The following BCAR3 variants were observed in gnomAD, a reference collection of about 807,000 sequenced individuals.
The protein encoded by BCAR3 is BCAR3 adaptor protein, NSP family member.
Under a neutral mutation model 80.1 loss-of-function variants are expected in BCAR3, and 37 were observed. That is an observed-to-expected ratio of 0.46 (90% CI 0.36 to 0.61). The LOEUF is 0.61. Among genes scored for constraint, BCAR3 ranks in the 20% least tolerant of loss-of-function variants. The pLI, the probability that BCAR3 is intolerant of heterozygous loss-of-function variation, is 0.00. For synonymous variants in BCAR3, 389 were observed against 418.9 expected (o/e 0.93, Z 0.87); for missense variants, 978 against 1,068.2 (o/e 0.92, Z 1.18).
At chr1:93,847,092 C>A in exon 1 of BCAR3, 1 of 245,916 alleles carries the variant, frequency 4.1e-6, no homozygotes, top group Non-Finnish European at 8.5e-6. Flanking sequence ...GAGGGGAGGC[C>A]GCTCGGCCTC....
intron 2 of BCAR3, among the ~76,000 whole-genome samples, chr1:93,784,880 G>A (rs1247270048): frequency 1.3e-5 from 2 of 152,214 alleles, no homozygotes; most frequent in African/African-American, 4.8e-5. Context: ...AAACTTTGAC[G>A]TTGGTGCTCC....
At chr1:93,805,655 T>C (rs1401329196) in intron 2 of BCAR3, among the ~76,000 whole-genome samples, 1 of 152,218 alleles carries the variant, frequency 6.6e-6, no homozygotes, top group Admixed American at 6.5e-5. Flanking sequence ...CCCTATGTTC[T>C]TAAGATTTTC....
chr1:93,649,658 G>GC (rs936459473), intron 2 of BCAR3, among the ~76,000 whole-genome samples: 1 of 151,916 alleles, frequency 6.6e-6, no homozygotes, highest in Non-Finnish European at 1.5e-5. Flanking sequence ...GACTTGTTCA[G>GC]CACCTAAAAA....
At chr1:93,731,592 T>TA (rs765881729) in intron 2 of BCAR3, among the ~76,000 whole-genome samples, 7 of 151,908 alleles carry the variant, frequency 4.6e-5, no homozygotes, top group African/African-American at 7.3e-5. Context: ...CTGAATGGGA[T>TA]AAAAACAGCA....
intron 7 of BCAR3, 76 bp from the exon 8 acceptor site, chr1:93,576,205 A>C (rs1006577490): frequency 1.1e-5 from 12 of 1,082,528 alleles, no homozygotes; most frequent in Non-Finnish European, 1.3e-5. Flanking sequence ...ATATGAGAAG[A>C]AACACACTGA....
At chr1:93,700,950 G>C (rs975511038) in intron 3 of BCAR3, among the ~76,000 whole-genome samples, 2 of 152,252 alleles carry the variant, frequency 1.3e-5, no homozygotes, top group Admixed American at 6.5e-5. Context: ...GGCACCCTCA[G>C]CGGACCTCAC....
intron 2 of BCAR3, among the ~76,000 whole-genome samples, chr1:93,644,782 A>G (rs1346238855): frequency 1.3e-5 from 2 of 152,136 alleles, no homozygotes; most frequent in Non-Finnish European, 2.9e-5. Context: ...TTGAAGCCTC[A>G]CCCAGTTTGA....
chr1:93,584,348 C>A (rs919122601), intron 5 of BCAR3, among the ~76,000 whole-genome samples: 2 of 152,172 alleles, frequency 1.3e-5, no homozygotes, highest in African/African-American at 4.8e-5. Flanking sequence ...GTCCCCATGA[C>A]CAATGCAGCA....
intron 2 of BCAR3, among the ~76,000 whole-genome samples, chr1:93,826,822 A>G (rs1654389688): frequency 6.6e-6 from 1 of 151,990 alleles, no homozygotes; most frequent in Admixed American, 6.6e-5. Context: ...GCATGTGTGC[A>G]TGCACGTGTG....
chr1:93,731,814 T>A (rs1571080967), intron 2 of BCAR3, among the ~76,000 whole-genome samples: 1 of 152,300 alleles, frequency 6.6e-6, no homozygotes, highest in East Asian at 1.9e-4. Context: ...GTGCCCCAAG[T>A]GCCTGGGGAG....
At chr1:93,707,970 A>G (rs1008591416) in intron 2 of BCAR3, among the ~76,000 whole-genome samples, 2 of 152,174 alleles carry the variant, frequency 1.3e-5, no homozygotes, top group East Asian at 3.8e-4. Flanking sequence ...TGTAAAAGCA[A>G]TGGATCTGAC....
Position 93,847,002 on chromosome 1 carries a change from G to GA in BCAR3, c.-209+67_-209+68insT. On this transcript the variant is annotated intron_variant, in intron 1 of 13. Coordinates refer to the BCAR3 transcript ENST00000370244. Reference sequence around the variant, plus strand: ...GCGGCGCTCGCGCGCAGGTCCAGCCGCGGCTGGGTCGGGCGCGGCGGCCGG... The same window carrying GA: ...GCGGCGCTCGCGCGCAGGTCCAGCCGACGGCTGGGTCGGGCGCGGCGGCCGG... 2 of 283,096 alleles carry GA rather than the reference G, an allele frequency of 7.1e-6. 1 individual carries two copies. The allele number at this position is 283,096 out of a possible 1,614,324, so 17.5% of individuals were successfully genotyped here. A position where few individuals can be genotyped will look rare whatever the true frequency, so the allele number is the denominator to read the frequency against.
At chr1:93,818,123 C>G (rs560386935) in intron 2 of BCAR3, among the ~76,000 whole-genome samples, 2 of 152,352 alleles carry the variant, frequency 1.3e-5, no homozygotes, top group South Asian at 4.1e-4. Flanking sequence ...TGTGCTAGTG[C>G]TTCCCACAAT....
At chr1:93,616,276 C>T (rs973929538) in intron 3 of BCAR3, among the ~76,000 whole-genome samples, 1 of 152,086 alleles carries the variant, frequency 6.6e-6, no homozygotes, top group African/African-American at 2.4e-5. Context: ...TTATTTCACA[C>T]CAAAAATAAT....
intron 2 of BCAR3, among the ~76,000 whole-genome samples, chr1:93,661,353 T>C (rs1647646719): frequency 6.6e-6 from 1 of 151,592 alleles, no homozygotes; most frequent in Non-Finnish European, 1.5e-5. Flanking sequence ...AATTTTTGTA[T>C]TTTTAGTAGA....
chr1:93,627,028 T>C (rs1675474216), intron 3 of BCAR3, among the ~76,000 whole-genome samples: 1 of 152,238 alleles, frequency 6.6e-6, no homozygotes, highest in Non-Finnish European at 1.5e-5. Flanking sequence ...ACAGTGTTTG[T>C]TGCCAATGAT....
chr1:93,847,039 G>C (rs1350634688), intron 1 of BCAR3: 1 of 67,994 alleles, frequency 1.5e-5, no homozygotes, highest in Non-Finnish European at 3.3e-5. Context: ...CGCGAGGGAA[G>C]AGCCCAGGCC....
chr1:93,571,007 C>T (rs1673188890), intron 9 of BCAR3, among the ~76,000 whole-genome samples: 2 of 152,078 alleles, frequency 1.3e-5, no homozygotes, highest in African/African-American at 4.8e-5. Flanking sequence ...AGTTCGAGAT[C>T]AGCCTGGCCA....
intron 8 of BCAR3, 93 bp from the exon 9 acceptor site, chr1:93,571,934 C>G (rs532787883): frequency 1.4e-6 from 2 of 1,403,646 alleles, no homozygotes; most frequent in East Asian, 4.6e-5. Flanking sequence ...GTTTTTGTGC[C>G]ATTTGCTCCT....
Sources: allele counts gnomAD v4.1 joint callset (sites outside exome capture counted in the v4.1 genomes callset), GRCh38; gene constraint gnomAD v4.1.1; transcripts MANE v1.5; gene names NCBI Gene and HGNC (gene_info 2026-07-23, HGNC 2026-07-21).